NBEA: variants seen among roughly 807,000 people sequenced by gnomAD.
The protein encoded by NBEA is lysosomal-trafficking regulator 2.
A neutral mutation model predicts 343.4 loss-of-function variants in NBEA; 44 were observed. That is an observed-to-expected ratio of 0.13 (90% CI 0.10 to 0.16). The LOEUF (loss-of-function observed/expected upper bound fraction) is 0.16. Ranked by LOEUF, NBEA falls within the 10% of genes least tolerant of loss-of-function variation. The pLI, the probability that NBEA is intolerant of heterozygous loss-of-function variation, is 1.00. For synonymous variants in NBEA, 1,175 were observed against 1,238.7 expected, an observed-to-expected ratio of 0.95 and a Z score of 1.08; for missense variants, 2,555 against 3,631.3, an observed-to-expected ratio of 0.70 and a Z score of 7.62.
chr13:35,491,234 G>C (rs1176314650), intron 41 of NBEA, among the ~76,000 whole-genome samples: 1 of 151,770 alleles, frequency 6.6e-6, no homozygotes, highest in Non-Finnish European at 1.5e-5. Context: ...TAATTTTGCT[G>C]GTTATTTTGA....
At chr13:35,557,690 C>T (rs1010744566) in intron 44 of NBEA, among the ~76,000 whole-genome samples, 8 of 152,006 alleles carry the variant, frequency 5.3e-5, no homozygotes, top group African/African-American at 1.9e-4. Flanking sequence ...AGGGACTAGG[C>T]ACACAGAACA....
intron 53 of NBEA, among the ~76,000 whole-genome samples, chr13:35,653,328 CTTTTTTTTTT>C (rs139682136): frequency 8.8e-6 from 1 of 114,034 alleles, no homozygotes; most frequent in African/African-American, 3.3e-5. Context: ...TTCTTGGGTT[CTTTTTTTTTT>C]TTTTTTTTTT....
At chr13:35,173,435 TAAC>T (rs2070627822) in intron 26 of NBEA, 26 bp from the exon 27 acceptor site, 2 of 1,528,396 alleles carry the variant, frequency 1.3e-6, no homozygotes, top group Non-Finnish European at 1.8e-6. Flanking sequence ...CAATTTATAT[TAAC>T]AATATGTTTT....
chr13:35,574,606 C>T (rs1014639675), intron 45 of NBEA, among the ~76,000 whole-genome samples: 1 of 152,040 alleles, frequency 6.6e-6, no homozygotes, highest in African/African-American at 2.4e-5. Context: ...GTGCCTAAAG[C>T]TGGATGTGGT....
chr13:35,120,928 G>T (rs997232478), intron 16 of NBEA, among the ~76,000 whole-genome samples: 4 of 152,102 alleles, frequency 2.6e-5, no homozygotes, highest in Non-Finnish European at 4.4e-5. Context: ...GTATGTAGAT[G>T]TGTGATGGAC....
chr13:35,475,454 C>A (rs760413055), intron 41 of NBEA: 3 of 1,612,758 alleles, frequency 1.9e-6, no homozygotes, highest in Non-Finnish European at 2.5e-6. Flanking sequence ...AGCACCCAGG[C>A]GTCGCTCTCC....
chr13:35,551,812 A>T (rs533649833), intron 43 of NBEA, among the ~76,000 whole-genome samples: 3 of 152,184 alleles, frequency 2.0e-5, no homozygotes, highest in African/African-American at 7.2e-5. Flanking sequence ...ACTGCATTAC[A>T]GTAGGAAAAA....
chr13:35,534,089 T>C (rs2078408971), intron 41 of NBEA, among the ~76,000 whole-genome samples: 1 of 152,210 alleles, frequency 6.6e-6, no homozygotes, highest in South Asian at 2.1e-4. Context: ...AGTTCATGTT[T>C]ATGTGAGTGA....
intron 36 of NBEA, among the ~76,000 whole-genome samples, chr13:35,317,847 A>G (rs1004484314): frequency 2.0e-5 from 3 of 151,840 alleles, no homozygotes; most frequent in Non-Finnish European, 2.9e-5. Context: ...ATTCCTAGGT[A>G]TTATCTTAGT....
At chr13:35,564,371 T>C (rs779572691) in intron 44 of NBEA, among the ~76,000 whole-genome samples, 7 of 151,986 alleles carry the variant, frequency 4.6e-5, no homozygotes, top group Non-Finnish European at 8.8e-5. Flanking sequence ...AATCTACAGA[T>C]TTTTAAGTAG....
chr13:35,652,653 G>A (rs1373722122), intron 53 of NBEA, among the ~76,000 whole-genome samples: 4 of 138,322 alleles, frequency 2.9e-5, no homozygotes, highest in African/African-American at 1.0e-4. Flanking sequence ...AAAAAAAAAA[G>A]GAAGCTAATA....
intron 10 of NBEA, among the ~76,000 whole-genome samples, chr13:35,091,558 C>G (rs183303187): frequency 6.6e-6 from 1 of 151,938 alleles, no homozygotes; most frequent in Non-Finnish European, 1.5e-5. Flanking sequence ...AAATGACTTA[C>G]ACATAAATTC....
rs116394057 is a variant in NBEA, at chr13:35,140,497, C to G, written c.2337-1772C>G. ...TTCCCTTCCATAGTCCCATAATACT[C>G]ATTAGCCCTGTATTTTTTTTAAATA... On this transcript the variant is annotated intron_variant, in intron 17 of 58. Transcript: ENST00000379939. Among the ~76,000 whole-genome samples, 529 of 152,266 alleles carry G rather than the reference C, an allele frequency of 3.5e-3. 3 individuals are homozygous for G. Among genetic ancestry groups the G allele is most frequent in the African/African-American group, 0.012 (487 of 41,544 alleles).
At chr13:34,996,529 A>G (rs183120000) in intron 1 of NBEA, among the ~76,000 whole-genome samples, 300 of 152,014 alleles carry the variant, frequency 2.0e-3, no homozygotes, top group African/African-American at 6.9e-3. Flanking sequence ...AATCAAAATT[A>G]CCTTGGTTTT....
chr13:35,290,274 G>T, intron 34 of NBEA, 115 bp from the exon 35 acceptor site: 2 of 634,368 alleles, frequency 3.2e-6, no homozygotes, highest in South Asian at 3.9e-5. Flanking sequence ...TTTACCTTAG[G>T]AATTCTATTT....
At chr13:35,510,408 T>C (rs1405360050) in intron 41 of NBEA, among the ~76,000 whole-genome samples, 2 of 152,234 alleles carry the variant, frequency 1.3e-5, no homozygotes, top group Non-Finnish European at 2.9e-5. Flanking sequence ...TCCATTTATA[T>C]TTTGACTTAA....
chr13:35,361,973 G>A (rs1017992117), intron 38 of NBEA, among the ~76,000 whole-genome samples: 5 of 151,828 alleles, frequency 3.3e-5, no homozygotes, highest in African/African-American at 1.2e-4. Context: ...TGGGGTAGTG[G>A]TTTTATGACT....
chr13:35,090,309 A>G (rs984139451), intron 10 of NBEA, among the ~76,000 whole-genome samples: 17 of 151,992 alleles, frequency 1.1e-4, no homozygotes, highest in Middle Eastern at 6.8e-3. Context: ...TAGGTTTTTC[A>G]TTGTTGCAAC....
chr13:35,414,140 G>A (rs2043753950), intron 38 of NBEA, among the ~76,000 whole-genome samples: 2 of 152,134 alleles, frequency 1.3e-5, no homozygotes, highest in Non-Finnish European at 2.9e-5. Context: ...TCTTAGAGCA[G>A]TCAGAATATA....
Sources: gnomAD v4.1 joint callset for allele counts (sites outside exome capture counted in the v4.1 genomes callset) on GRCh38, gnomAD v4.1.1 for gene constraint, MANE v1.5 for transcripts, NCBI Gene and HGNC (gene_info 2026-07-23, HGNC 2026-07-21) for gene names.